LDLRAD4: variants seen among roughly 807,000 people sequenced by gnomAD.
The protein encoded by LDLRAD4 is low density lipoprotein receptor class A domain containing 4.
A neutral mutation model predicts 17.0 loss-of-function variants in LDLRAD4; 5 were observed. That is an observed-to-expected ratio of 0.29 (90% CI 0.15 to 0.62). The LOEUF (loss-of-function observed/expected upper bound fraction) is 0.62. LDLRAD4 is among the 20% of genes least tolerant of loss of function. The pLI is 0.84. For synonymous variants in LDLRAD4, 168 were observed against 171.8 expected (o/e 0.98, Z 0.17); for missense variants, 340 against 424.7 (o/e 0.80, Z 1.75).
At chr18:13,417,053 G>T (rs761899887) in intron 2 of LDLRAD4, among the ~76,000 whole-genome samples, 20 of 152,168 alleles carry the variant, frequency 1.3e-4, no homozygotes, top group Non-Finnish European at 2.2e-4. Flanking sequence ...CGAAATCCAG[G>T]CACTCTTGCA....
intron 3 of LDLRAD4, among the ~76,000 whole-genome samples, chr18:13,511,505 C>G (rs995806528): frequency 1.4e-4 from 22 of 152,054 alleles, no homozygotes; most frequent in African/African-American, 5.3e-4. Flanking sequence ...GAGTGAGACT[C>G]CGTCTCAAAA....
intron 3 of LDLRAD4, chr18:13,490,214 A>G (rs1181726722): frequency 1.3e-5 from 2 of 152,214 alleles, no homozygotes; most frequent in African/African-American, 2.4e-5. Flanking sequence ...TAACTCTGTC[A>G]ACAGCCACAG....
At position 13,361,855 on chromosome 18, in the gene LDLRAD4, G is replaced by A. The variant is rs142761581; in HGVS notation, c.-382-25486G>A. 4.7e-4 allele frequency among the ~76,000 whole-genome samples: 72 copies of A among 152,274 alleles called. 2 individuals carry two copies. The East Asian group carries it at 0.012, about 25-fold the overall frequency. On this transcript the variant is annotated intron_variant, in intron 1 of 5. Transcript: ENST00000359446. ...AGCCAGAGCAGGCTCATGGTAGAGC[G>A]ACGCATGACTGCTTGGATCTGTTTG...
intron 1 of LDLRAD4, among the ~76,000 whole-genome samples, chr18:13,322,580 G>A (rs1406267214): frequency 1.3e-5 from 2 of 151,296 alleles, no homozygotes; most frequent in Admixed American, 6.6e-5. Flanking sequence ...CCAAAGTGGC[G>A]TGAGCCACTA....
At chr18:13,617,220 G>T (rs914843160) in intron 3 of LDLRAD4, among the ~76,000 whole-genome samples, 1 of 151,918 alleles carries the variant, frequency 6.6e-6, no homozygotes, top group Non-Finnish European at 1.5e-5. Context: ...TTCCAGGCAC[G>T]CCTGGCCTGG....
chr18:13,641,688 G>C, intron 4 of LDLRAD4: 1 of 936,442 alleles, frequency 1.1e-6, no homozygotes, highest in Non-Finnish European at 1.3e-6. Flanking sequence ...GCGGTTTCCT[G>C]TCCGGGCTGG....
At chr18:13,441,021 A>G (rs1285929209) in intron 3 of LDLRAD4, among the ~76,000 whole-genome samples, 1 of 152,188 alleles carries the variant, frequency 6.6e-6, no homozygotes, top group East Asian at 1.9e-4. Flanking sequence ...GGAGACGCTC[A>G]CGGCGCGGGT....
intron 3 of LDLRAD4, among the ~76,000 whole-genome samples, chr18:13,545,302 A>G (rs2094345867): frequency 6.6e-6 from 1 of 152,202 alleles, no homozygotes; most frequent in Admixed American, 6.5e-5. Context: ...CTGGAACTGG[A>G]GAACTCTAGG....
chr18:13,589,015 G>A (rs1173182633), intron 3 of LDLRAD4, among the ~76,000 whole-genome samples: 5 of 148,726 alleles, frequency 3.4e-5, no homozygotes, highest in East Asian at 2.0e-4. Context: ...TGTAACCTCC[G>A]CCTCCCAGGC....
At chr18:13,408,293 G>C (rs906378425) in intron 2 of LDLRAD4, among the ~76,000 whole-genome samples, 4 of 149,534 alleles carry the variant, frequency 2.7e-5, no homozygotes, top group African/African-American at 9.9e-5. Flanking sequence ...AGGATCACTT[G>C]TGACTTCAAG....
intron 2 of LDLRAD4, among the ~76,000 whole-genome samples, chr18:13,406,172 G>C (rs2087727555): frequency 6.6e-6 from 1 of 152,192 alleles, no homozygotes; most frequent in Non-Finnish European, 1.5e-5. Context: ...GCCCCCTGGG[G>C]AGCACTGTCC....
intron 2 of LDLRAD4, among the ~76,000 whole-genome samples, chr18:13,405,705 T>C (rs2087672755): frequency 1.3e-5 from 2 of 151,656 alleles, no homozygotes; most frequent in African/African-American, 4.9e-5. Flanking sequence ...CCTAAAGTGC[T>C]GAGATTACTG....
chr18:13,370,865 C>T (rs2084450438), intron 1 of LDLRAD4, among the ~76,000 whole-genome samples: 1 of 151,850 alleles, frequency 6.6e-6, no homozygotes, highest in Non-Finnish European at 1.5e-5. Context: ...CGCGCACCAC[C>T]ACACCCAGCT....
chr18:13,226,180 C>CTTTTTTTTTT (rs71174166), intron 1 of LDLRAD4, among the ~76,000 whole-genome samples: 1,148 of 52,160 alleles, frequency 0.022, 381 homozygotes, highest in Non-Finnish European at 0.023. Context: ...CCATGCCTTG[C>CTTTTTTTTTT]TTTTTTTTTT....
chr18:13,250,963 T>C (rs75208299), intron 1 of LDLRAD4, among the ~76,000 whole-genome samples: 6,493 of 152,250 alleles, frequency 0.043, 308 homozygotes, highest in African/African-American at 0.11. Flanking sequence ...TGAATATAGA[T>C]GCAAAAATCC....
intron 1 of LDLRAD4, among the ~76,000 whole-genome samples, chr18:13,293,849 T>G (rs538475398): frequency 1.3e-5 from 2 of 152,202 alleles, no homozygotes; most frequent in Non-Finnish European, 1.5e-5. Context: ...AAATGCGGCT[T>G]TCCCCCCTTG....
At chr18:13,491,662 G>C (rs1180323279) in intron 3 of LDLRAD4, 2 of 152,188 alleles carry the variant, frequency 1.3e-5, no homozygotes, top group African/African-American at 2.4e-5. Context: ...CATTTGTGTG[G>C]AGCAAGGACG....
At chr18:13,280,623 C>G (rs563120461) in intron 1 of LDLRAD4, among the ~76,000 whole-genome samples, 1 of 152,302 alleles carries the variant, frequency 6.6e-6, no homozygotes, top group Non-Finnish European at 1.5e-5. Context: ...GGGGTGTGGG[C>G]AAAGAAATCG....
chr18:13,292,329 T>C (rs376145224), intron 1 of LDLRAD4, among the ~76,000 whole-genome samples: 36 of 152,360 alleles, frequency 2.4e-4, no homozygotes, highest in African/African-American at 8.2e-4. Flanking sequence ...TTTGTGGCCC[T>C]GTGATCTGCG....
Sources: allele counts gnomAD v4.1 joint callset (sites outside exome capture counted in the v4.1 genomes callset), GRCh38; gene constraint gnomAD v4.1.1; transcripts MANE v1.5; gene names NCBI Gene and HGNC (gene_info 2026-07-23, HGNC 2026-07-21).